DGKB: variants seen among roughly 807,000 people sequenced by gnomAD.
DGKB encodes the protein diacylglycerol kinase beta.
In DGKB, 67 loss-of-function variants were observed where a neutral mutation model predicts 114.3. The observed-to-expected ratio is 0.59, with a 90% confidence interval of 0.48 to 0.72. The LOEUF (loss-of-function observed/expected upper bound fraction) is 0.72, where lower values mean the gene tolerates loss of function less well. Among genes scored for constraint, DGKB ranks in the 30% least tolerant of loss-of-function variants. DGKB has a pLI of 0.00. For synonymous variants in DGKB, 398 were observed against 323.1 expected (o/e 1.23, Z -2.49); for missense variants, 907 against 975.2 (o/e 0.93, Z 0.93).
intron 6 of DGKB, among the ~76,000 whole-genome samples, chr7:14,711,688 A>T (rs1827371838): frequency 6.6e-6 from 1 of 152,062 alleles, no homozygotes. Flanking sequence ...TTTGCTTAGA[A>T]AGGGTGGTGA....
Position 14,185,468 on chromosome 7 carries a change from T to C in DGKB, c.2123-7317A>G, listed in dbSNP as rs549592157. Reference sequence around the variant, plus strand: ...AAAGCAATCTACAATTCAATGCAATTCCCATCAAAATACCACACCATCATT... The same window carrying C: ...AAAGCAATCTACAATTCAATGCAATCCCCATCAAAATACCACACCATCATT... On this transcript the variant is annotated intron_variant, in intron 23 of 25. Transcript: ENST00000402815. 2.6e-5 allele frequency among the ~76,000 whole-genome samples: 4 copies of C among 151,824 alleles called. No homozygotes were observed. The South Asian group carries it at 8.3e-4, about 32-fold the overall frequency.
At chr7:14,248,807 C>A (rs1794821198) in intron 23 of DGKB, among the ~76,000 whole-genome samples, 1 of 152,022 alleles carries the variant, frequency 6.6e-6, no homozygotes, top group African/African-American at 2.4e-5. Flanking sequence ...TTACTTCTTT[C>A]TTTTCAATGT....
At chr7:14,627,853 G>T (rs1447014090) in intron 14 of DGKB, among the ~76,000 whole-genome samples, 2 of 151,538 alleles carry the variant, frequency 1.3e-5, no homozygotes, top group African/African-American at 2.4e-5. Context: ...TGAAGCAGGA[G>T]AATCGCTTGA....
intron 23 of DGKB, among the ~76,000 whole-genome samples, chr7:14,317,508 C>G (rs1453982276): frequency 1.3e-5 from 2 of 151,730 alleles, no homozygotes; most frequent in East Asian, 3.9e-4. Flanking sequence ...AACAGAGAGC[C>G]AAATCATGAG....
intron 21 of DGKB, among the ~76,000 whole-genome samples, chr7:14,379,664 A>G (rs1480797180): frequency 1.3e-5 from 2 of 151,988 alleles, no homozygotes; most frequent in Admixed American, 6.6e-5. Context: ...GGTTCAAGCA[A>G]TTCTCCTCTC....
rs73070721 is a variant in DGKB at position 14,798,046 on chromosome 7, G to C, written c.71-40315C>G. Among the ~76,000 whole-genome samples, 232 of 152,244 alleles carry C rather than the reference G, an allele frequency of 1.5e-3. 1 individual carries two copies. In the Middle Eastern group the frequency reaches 0.02, roughly 13 times the overall value. On this transcript the variant is annotated intron_variant, in intron 2 of 25. Transcript: ENST00000402815. The stretch of plus-strand genomic sequence containing the variant: ...GTGAGGCCGAGTCCACAGTTAAATG[G>C]GCTTAGAATGGGGGAATGTGTGCTG...
rs559640817 is a variant in DGKB at position 14,367,479 on chromosome 7, C to T, written c.1836-22088G>A. Among the ~76,000 whole-genome samples, 215 of 152,124 alleles carry T rather than the reference C, an allele frequency of 1.4e-3. 1 individual carries two copies. The highest frequency in any genetic ancestry group is 4.9e-3 in the African/African-American group (203 of 41,544). On this transcript the variant is annotated intron_variant, in intron 21 of 25. Coordinates refer to ENST00000402815, the MANE Select transcript of DGKB (RefSeq NM_001350709.2). ...GTTCCTTTGCTCTTCCTTCACTTTC[C>T]GCCACGGTCGTGAGGCCTCCCCAGC...
intron 13 of DGKB, among the ~76,000 whole-genome samples, chr7:14,645,599 C>T (rs1812802902): frequency 6.6e-6 from 1 of 151,824 alleles, no homozygotes; most frequent in Non-Finnish European, 1.5e-5. Flanking sequence ...AGAAAAGAAT[C>T]AAGTCACATA....
intron 4 of DGKB, among the ~76,000 whole-genome samples, chr7:14,746,823 A>G (rs2128422977): frequency 6.6e-6 from 1 of 152,210 alleles, no homozygotes; most frequent in Admixed American, 6.5e-5. Flanking sequence ...TTGGTACAGA[A>G]AACTGTAAAA....
intron 21 of DGKB, among the ~76,000 whole-genome samples, chr7:14,434,584 C>T (rs1828965813): frequency 6.6e-6 from 1 of 152,102 alleles, no homozygotes; most frequent in Non-Finnish European, 1.5e-5. Flanking sequence ...AGGAAAGCAG[C>T]TCATTGGACA....
At chr7:14,300,042 C>T (rs1024134142) in intron 23 of DGKB, among the ~76,000 whole-genome samples, 16 of 152,086 alleles carry the variant, frequency 1.1e-4, no homozygotes, top group Admixed American at 7.9e-4. Flanking sequence ...CAGACATACA[C>T]GGAAGAATAT....
At chr7:14,162,947 T>C (rs757180093) in intron 25 of DGKB, among the ~76,000 whole-genome samples, 4 of 152,184 alleles carry the variant, frequency 2.6e-5, no homozygotes, top group African/African-American at 4.8e-5. Context: ...TATGGTGTCA[T>C]CATAATTTTA....
intron 13 of DGKB, among the ~76,000 whole-genome samples, chr7:14,646,320 T>C (rs76407003): frequency 7.4e-4 from 113 of 152,274 alleles, no homozygotes; most frequent in African/African-American, 2.6e-3. Flanking sequence ...AGTAAGAGGA[T>C]ATAACAATTA....
intron 15 of DGKB, among the ~76,000 whole-genome samples, chr7:14,620,857 G>A (rs975732365): frequency 1.3e-5 from 2 of 151,360 alleles, no homozygotes; most frequent in African/African-American, 2.4e-5. Context: ...ATATATTTGA[G>A]GTTTAAATTT....
chr7:14,451,243 T>C (rs996094255), intron 21 of DGKB, among the ~76,000 whole-genome samples: 2 of 152,084 alleles, frequency 1.3e-5, no homozygotes, highest in African/African-American at 2.4e-5. Context: ...GTAAAGCAGA[T>C]TGCCCTTCAC....
intron 6 of DGKB, among the ~76,000 whole-genome samples, chr7:14,704,722 A>T (rs1310541571): frequency 3.3e-5 from 5 of 152,152 alleles, no homozygotes; most frequent in Non-Finnish European, 7.3e-5. Flanking sequence ...GACACCTCAC[A>T]CGGCAGGGTA....
At chr7:14,578,804 C>T (rs1467885190) in intron 19 of DGKB, among the ~76,000 whole-genome samples, 1 of 152,206 alleles carries the variant, frequency 6.6e-6, no homozygotes, top group Non-Finnish European at 1.5e-5. Flanking sequence ...CAGTGTGTTA[C>T]TCTGCTTCTG....
intron 21 of DGKB, among the ~76,000 whole-genome samples, chr7:14,420,730 G>A (rs1826530474): frequency 6.6e-6 from 1 of 151,964 alleles, no homozygotes; most frequent in Admixed American, 6.6e-5. Flanking sequence ...ACCTATATGT[G>A]GCTGAGATGC....
chr7:14,255,543 C>G (rs6962879), intron 23 of DGKB, among the ~76,000 whole-genome samples: 84,493 of 151,872 alleles, frequency 0.56, 23,843 homozygotes, highest in Non-Finnish European at 0.6. Context: ...ATTACTTGGT[C>G]ACCTGTATGT....
Sources: allele counts gnomAD v4.1 joint callset (sites outside exome capture counted in the v4.1 genomes callset), GRCh38; gene constraint gnomAD v4.1.1; transcripts MANE v1.5; gene names NCBI Gene and HGNC (gene_info 2026-07-23, HGNC 2026-07-21).